MANBA: variants seen among roughly 807,000 people sequenced by gnomAD.
MANBA encodes beta-mannosidase.
A neutral mutation model predicts 111.1 loss-of-function variants in MANBA; 83 were observed. The observed-to-expected ratio is 0.75, with a 90% confidence interval of 0.63 to 0.90. The LOEUF (loss-of-function observed/expected upper bound fraction) is 0.90. Among genes scored for constraint, MANBA ranks in the 40% least tolerant of loss-of-function variants. The pLI is 0.00. For missense variants in MANBA, 1,036 were observed against 1,069.0 expected, an observed-to-expected ratio of 0.97 and a Z score of 0.43; for synonymous variants, 370 against 378.7, an observed-to-expected ratio of 0.98 and a Z score of 0.27.
chr4:102,690,481 A>G (rs1054777789), intron 6 of MANBA, 115 bp downstream of exon 6: 4 of 983,394 alleles, frequency 4.1e-6, no homozygotes, highest in Non-Finnish European at 6.3e-6. Flanking sequence ...GAAAATGACA[A>G]ATATAAGCAG....
chr4:102,692,864 G>GAA (rs1002719381), intron 5 of MANBA, among the ~76,000 whole-genome samples: 1 of 133,424 alleles, frequency 7.5e-6, no homozygotes, highest in Non-Finnish European at 1.6e-5. Flanking sequence ...TGCTGCAAAA[G>GAA]AAAAAAAAAA....
At chr4:102,706,024 T>C (rs938067163) in intron 5 of MANBA, among the ~76,000 whole-genome samples, 4 of 152,194 alleles carry the variant, frequency 2.6e-5, no homozygotes, top group African/African-American at 7.2e-5. Context: ...GTCCTGCCAC[T>C]GCTACTGCCA....
At position 102,657,816 on chromosome 4, in the gene MANBA, TAGGGTTTTGAGAGACCC is replaced by T; in HGVS notation, c.1553_1569del (p.Trp518Ter). 6.2e-7 allele frequency: 1 copy of T among 1,613,858 alleles called. No individual in the cohort carries two copies. Among genetic ancestry groups the T allele is most frequent in the Non-Finnish European group, 8.5e-7 (1 of 1,179,732 alleles). ...TGTACATCACCAAAATAATTGCTATTAGGGTTTTGAGAGACCCAGGCTTCTGCAACAGTTTCAGCCCC... is the reference window on the plus strand; with the variant it reads ...TGTACATCACCAAAATAATTGCTATTAGGCTTCTGCAACAGTTTCAGCCCC... On this transcript the variant is annotated frameshift_variant, in exon 12 of 17. Coordinates refer to ENST00000647097, the MANE Select transcript of MANBA (RefSeq NM_005908.4). LOFTEE classifies it high-confidence loss of function.
chr4:102,649,470 T>C (rs1162945626), intron 13 of MANBA, among the ~76,000 whole-genome samples: 1 of 152,204 alleles, frequency 6.6e-6, no homozygotes, highest in Admixed American at 6.6e-5. Flanking sequence ...AGGGGTATAC[T>C]GGTATGGCTT....
intron 13 of MANBA, among the ~76,000 whole-genome samples, chr4:102,649,365 C>T (rs1730230674): frequency 6.6e-6 from 1 of 152,158 alleles, no homozygotes; most frequent in Admixed American, 6.6e-5. Context: ...ATTTAAACTC[C>T]TACTAACAAT....
At chr4:102,712,690 T>C (rs1040866410) in intron 5 of MANBA, among the ~76,000 whole-genome samples, 3 of 152,000 alleles carry the variant, frequency 2.0e-5, no homozygotes, top group African/African-American at 7.3e-5. Flanking sequence ...GGCTAATTTT[T>C]GTATTTTTTG....
Position 102,690,630 on chromosome 4 carries a change from T to C in MANBA, c.815A>G (p.Lys272Arg), listed in dbSNP as rs957064535. The change falls in exon 6 of 17, where the codon AAA becomes AGA. Residue 272 changes from lysine to arginine, a missense_variant. By Grantham distance (26) the Lys-to-Arg change is conservative. Coordinates refer to ENST00000647097, the MANE Select transcript of MANBA (RefSeq NM_005908.4). ...GTTCACAAATAGCTCAACAATCCTTTTCCCAGGTTGAAGTTCAATGCTGTA... is the reference window on the plus strand; with the variant it reads ...GTTCACAAATAGCTCAACAATCCTTCTCCCAGGTTGAAGTTCAATGCTGTA... ...QTYSIELQPG[K>R]RIVELFVNIS... is the part of the protein sequence containing the mutation. The C allele has an allele frequency of 6.2e-7, 1 of 1,612,600 alleles. No homozygotes were observed. The highest frequency in any genetic ancestry group is 8.5e-7 in the Non-Finnish European group (1 of 1,178,974).
chr4:102,694,021 ACTT>A (rs1208306260), intron 5 of MANBA, among the ~76,000 whole-genome samples: 1 of 152,254 alleles, frequency 6.6e-6, no homozygotes, highest in East Asian at 1.9e-4. Flanking sequence ...GTTTTCTGTT[ACTT>A]CTTCTTTAGT....
intron 1 of MANBA, among the ~76,000 whole-genome samples, chr4:102,731,948 C>A (rs1271368213): frequency 6.6e-6 from 1 of 151,894 alleles, no homozygotes; most frequent in African/African-American, 2.4e-5. Flanking sequence ...ACTCTTGTTG[C>A]CCAGGCTGGA....
At chr4:102,731,993 A>G (rs1347229239) in intron 1 of MANBA, among the ~76,000 whole-genome samples, 1 of 151,674 alleles carries the variant, frequency 6.6e-6, no homozygotes, top group African/African-American at 2.4e-5. Flanking sequence ...CTGCAACTTC[A>G]GCCTCCCAGG....
chr4:102,755,117 C>A (rs554866719), intron 1 of MANBA, among the ~76,000 whole-genome samples: 1 of 152,274 alleles, frequency 6.6e-6, no homozygotes, highest in African/African-American at 2.4e-5. Context: ...TTGGAAAAAA[C>A]TACTTTAAAG....
intron 12 of MANBA, among the ~76,000 whole-genome samples, chr4:102,657,222 T>C: frequency 1.9e-5 from 1 of 52,204 alleles, no homozygotes; most frequent in Non-Finnish European, 3.7e-5. Flanking sequence ...AGGAGTGGGG[T>C]GGGGGGGGGG....
At chr4:102,759,136 TC>T (rs1225231827) in intron 1 of MANBA, among the ~76,000 whole-genome samples, 1 of 112,780 alleles carries the variant, frequency 8.9e-6, no homozygotes, top group African/African-American at 3.8e-5. Flanking sequence ...ATTCTTTCTT[TC>T]TTTTTTTTTT....
intron 1 of MANBA, among the ~76,000 whole-genome samples, chr4:102,758,738 T>C (rs1724120246): frequency 6.6e-6 from 1 of 152,040 alleles, no homozygotes; most frequent in East Asian, 1.9e-4. Flanking sequence ...AGACAGGGTC[T>C]CGCCAGTTGC....
chr4:102,646,750 T>G (rs1038758991), intron 13 of MANBA, among the ~76,000 whole-genome samples: 4 of 152,128 alleles, frequency 2.6e-5, no homozygotes, highest in African/African-American at 9.7e-5. Context: ...GTATATGGGC[T>G]ATTGGGAATA....
At chr4:102,639,668 A>G in intron 14 of MANBA, 45 bp downstream of exon 14, 3 of 1,612,998 alleles carry the variant, frequency 1.9e-6, no homozygotes, top group Non-Finnish European at 2.5e-6. Flanking sequence ...CTCTCCCCAC[A>G]GTGTTGCTTT....
Position 102,696,546 on chromosome 4 carries a change from G to A in MANBA, c.674-5775C>T, listed in dbSNP as rs543370803. 2.6e-5 allele frequency among the ~76,000 whole-genome samples: 4 copies of A among 152,282 alleles called. No individual in the cohort carries two copies. The South Asian group carries it at 8.3e-4, about 32-fold the overall frequency. On this transcript the variant is annotated intron_variant, in intron 5 of 16. Transcript: ENST00000647097. Reference sequence around the variant, plus strand: ...AAATATACCCAAGTGTCGCAGTTAAGAATACAGGATGGCATCAGGAACCAT... The same window carrying A: ...AAATATACCCAAGTGTCGCAGTTAAAAATACAGGATGGCATCAGGAACCAT...
intron 1 of MANBA, chr4:102,728,447 A>T: frequency 2.3e-6 from 1 of 439,780 alleles, no homozygotes; most frequent in Non-Finnish European, 4.4e-6. Context: ...GATTGAAGAG[A>T]GGGACTCTTT....
At chr4:102,737,546 G>A (rs180826914) in intron 1 of MANBA, among the ~76,000 whole-genome samples, 2 of 151,868 alleles carry the variant, frequency 1.3e-5, no homozygotes, top group Admixed American at 6.6e-5. Context: ...GCAGTGGCAC[G>A]ATCTCTGCTC....
Sources: gnomAD v4.1 joint callset for allele counts (sites outside exome capture counted in the v4.1 genomes callset) on GRCh38, gnomAD v4.1.1 for gene constraint, MANE v1.5 for transcripts, NCBI Gene and HGNC (gene_info 2026-07-23, HGNC 2026-07-21) for gene names.